Variants in TMEM272 observed in about 807,000 individuals in gnomAD.
TMEM272 encodes the protein long intergenic non-protein coding RNA 282.
A neutral mutation model predicts 3.7 loss-of-function variants in TMEM272; 8 were observed. The observed-to-expected ratio is 2.17, with a 90% confidence interval of 1.27 to 3.91. TMEM272 has a LOEUF of 3.91. Ranked by LOEUF, TMEM272 falls within the 30% of genes most tolerant of loss-of-function variation. TMEM272 has a pLI of 0.00. For synonymous variants in TMEM272, 63 were observed against 39.8 expected (o/e 1.58, Z -2.20); for missense variants, 166 against 91.5 (o/e 1.81, Z -3.32).
the TMEM272 span, among the ~76,000 whole-genome samples, chr13:51,888,418 A>T: frequency 6.6e-6 from 1 of 152,036 alleles, no homozygotes; most frequent in Non-Finnish European, 1.5e-5. Flanking sequence ...CTGTCACATC[A>T]GTCCCCTCCA....
chr13:51,933,198 A>T, the TMEM272 span: 28 of 152,108 alleles, frequency 1.8e-4, no homozygotes, highest in Non-Finnish European at 3.1e-4. Flanking sequence ...TATCAGGAAA[A>T]CTTCTATTCA....
chr13:51,877,075 G>A, the TMEM272 span, among the ~76,000 whole-genome samples: 3 of 152,204 alleles, frequency 2.0e-5, no homozygotes, highest in Non-Finnish European at 4.4e-5. Context: ...GGAGTGGCCT[G>A]AGAGGCAAGG....
intron 4 of TMEM272, among the ~76,000 whole-genome samples, chr13:51,817,662 T>C (rs1281624041): frequency 4.1e-5 from 6 of 144,882 alleles, no homozygotes; most frequent in Admixed American, 3.4e-4. Flanking sequence ...GCTTTCTCTC[T>C]TCTTGGAAGT....
chr13:51,898,882 C>G, the TMEM272 span, among the ~76,000 whole-genome samples: 5 of 152,000 alleles, frequency 3.3e-5, no homozygotes, highest in African/African-American at 1.2e-4. Flanking sequence ...TACCTTGTAC[C>G]TGCCTGTCAT....
the TMEM272 span, among the ~76,000 whole-genome samples, chr13:51,882,737 T>A: frequency 2.0e-5 from 3 of 150,398 alleles, no homozygotes; most frequent in Non-Finnish European, 4.4e-5. Context: ...AAAAAATAAA[T>A]ATAATAAAAA....
the TMEM272 span, among the ~76,000 whole-genome samples, chr13:51,885,644 C>T: frequency 6.6e-6 from 1 of 152,172 alleles, no homozygotes; most frequent in Non-Finnish European, 1.5e-5. Flanking sequence ...TTTGCAGTTG[C>T]CAATACATTA....
intron 2 of TMEM272, among the ~76,000 whole-genome samples, chr13:51,834,766 C>A (rs1018336349): frequency 2.8e-4 from 43 of 152,174 alleles, no homozygotes; most frequent in African/African-American, 9.9e-4. Context: ...CTTCCCAGGA[C>A]CCCCTGACAG....
chr13:51,830,250 G>A (rs554960266), intron 2 of TMEM272, among the ~76,000 whole-genome samples: 7 of 152,312 alleles, frequency 4.6e-5, no homozygotes, highest in African/African-American at 1.7e-4. Context: ...CAGCTGAAAA[G>A]CCCTAAGAGT....
the TMEM272 span, among the ~76,000 whole-genome samples, chr13:51,931,723 C>T: frequency 6.6e-6 from 1 of 152,124 alleles, no homozygotes; most frequent in Admixed American, 6.5e-5. Flanking sequence ...CACAATGGGA[C>T]ATGCACACAA....
chr13:51,861,473 G>A, the TMEM272 span, among the ~76,000 whole-genome samples: 1 of 151,678 alleles, frequency 6.6e-6, no homozygotes, highest in Non-Finnish European at 1.5e-5. Context: ...AATTAAAGAG[G>A]GATTCAACAG....
At chr13:51,915,789 C>T in the TMEM272 span, among the ~76,000 whole-genome samples, 1 of 152,182 alleles carries the variant, frequency 6.6e-6, no homozygotes, top group South Asian at 2.1e-4. Flanking sequence ...ATCACTGACA[C>T]GTGGCCGGGT....
chr13:51,926,105 G>GGT, the TMEM272 span, among the ~76,000 whole-genome samples: 4 of 151,058 alleles, frequency 2.6e-5, no homozygotes, highest in African/African-American at 7.3e-5. Flanking sequence ...TGGTGTGTGT[G>GGT]GTGTGTGTGT....
At chr13:51,895,279 T>G in the TMEM272 span, among the ~76,000 whole-genome samples, 1 of 152,168 alleles carries the variant, frequency 6.6e-6, no homozygotes, top group Non-Finnish European at 1.5e-5. Context: ...TGTGGGGAGC[T>G]GCAGAGAACC....
chr13:51,912,201 TC>T, the TMEM272 span, among the ~76,000 whole-genome samples: 1 of 152,198 alleles, frequency 6.6e-6, no homozygotes, highest in African/African-American at 2.4e-5. Flanking sequence ...GCGGTGGTTT[TC>T]CCTGTTTTTC....
At chr13:51,847,055 C>T (rs1334801070), upstream of TMEM272, among the ~76,000 whole-genome samples, 1 of 152,064 alleles carries the variant, frequency 6.6e-6, no homozygotes, top group Non-Finnish European at 1.5e-5. Flanking sequence ...TTTTTTAATC[C>T]TTCATATCCT....
the TMEM272 span, among the ~76,000 whole-genome samples, chr13:51,896,201 A>G: frequency 2.0e-5 from 3 of 152,220 alleles, no homozygotes; most frequent in Non-Finnish European, 4.4e-5. Context: ...AGCCTACAAG[A>G]AAGCTTCAGA....
the TMEM272 span, among the ~76,000 whole-genome samples, chr13:51,901,446 C>T: frequency 7.2e-6 from 1 of 138,498 alleles, no homozygotes; most frequent in Non-Finnish European, 1.6e-5. Flanking sequence ...CCCTCCCATG[C>T]CTCACACCCC....
Position 51,813,670 on chromosome 13 carries a change from G to A in TMEM272, c.*3081C>T, listed in dbSNP as rs1955988998. ...ATTCTGCATTGCAAACAAGTCCTTG[G>A]GTAGCTCTCAGGGTTCACCAAGATT... On this transcript the variant is annotated 3_prime_UTR_variant, in exon 5 of 5. Transcript: ENST00000629372. 1 of 171,376 alleles carries A rather than the reference G, an allele frequency of 5.8e-6. No individual in the cohort carries two copies. The highest frequency in any genetic ancestry group is 1.2e-5 in the Non-Finnish European group (1 of 81,246). 10.6% of individuals were successfully genotyped at this position (171,376 alleles called of 1,614,324 possible).
At chr13:51,924,488 T>C in the TMEM272 span, among the ~76,000 whole-genome samples, 206 of 152,026 alleles carry the variant, frequency 1.4e-3, no homozygotes, top group Non-Finnish European at 2.3e-3. Context: ...GCCAGTGGGG[T>C]TGAGTCTAGG....
Sources: gnomAD v4.1 joint callset for allele counts (sites outside exome capture counted in the v4.1 genomes callset) on GRCh38, gnomAD v4.1.1 for gene constraint, MANE v1.5 for transcripts, NCBI Gene and HGNC (gene_info 2026-07-23, HGNC 2026-07-21) for gene names.